The following CAMTA1 variants were observed in gnomAD, a reference collection of about 807,000 sequenced individuals.
CAMTA1 encodes calmodulin binding transcription activator 1, also known as calmodulin-binding transcription activator 1.
CAMTA1 carries 27 observed loss-of-function variants against 170.9 expected under a neutral mutation model. The ratio of observed to expected loss-of-function variants is 0.16; its 90% confidence interval spans 0.12 to 0.22. CAMTA1 has a LOEUF of 0.22. Ranked by LOEUF, CAMTA1 falls within the 10% of genes least tolerant of loss-of-function variation. The pLI is 1.00. For missense variants in CAMTA1, 1,619 were observed against 2,217.2 expected (o/e 0.73, Z 5.42); for synonymous variants, 833 against 891.5 (o/e 0.93, Z 1.17).
At chr1:7,669,890 G>T (rs1015107514) in intron 9 of CAMTA1, among the ~76,000 whole-genome samples, 1 of 152,202 alleles carries the variant, frequency 6.6e-6, no homozygotes, top group East Asian at 1.9e-4. Context: ...CGTCCACCTC[G>T]CACCTCCCTC....
In CAMTA1 at chr1:7,736,256, G is replaced by A. The variant is rs974564295; in HGVS notation, c.3067-88G>A. 7.4e-6 allele frequency: 8 copies of A among 1,084,776 alleles called. No homozygotes were observed. Among genetic ancestry groups the A allele is most frequent in the African/African-American group, 1.6e-5 (1 of 62,892 alleles). The allele number at this position is 1,084,776 out of a possible 1,614,324, so 67.2% of individuals were successfully genotyped here. A position where few individuals can be genotyped will look rare whatever the true frequency, so the allele number is the denominator to read the frequency against. On this transcript the variant is annotated intron_variant, in intron 12 of 22. Coordinates refer to ENST00000303635, the MANE Select transcript of CAMTA1 (RefSeq NM_015215.4). This position sits in a 1 kb window ranked among gnomAD's most constrained non-coding sequence, Gnocchi z 4.5. ...TGTTTTCCGTTGTGAGTTTCTAATC[G>A]TAAAGCATTTGTTTCCCCTACATCG...
At chr1:7,615,394 G>A (rs1034786805) in intron 6 of CAMTA1, among the ~76,000 whole-genome samples, 5 of 152,234 alleles carry the variant, frequency 3.3e-5, no homozygotes, top group African/African-American at 1.2e-4. Flanking sequence ...CAGGCAGCTC[G>A]GGCTTTGGAG....
intron 5 of CAMTA1, among the ~76,000 whole-genome samples, chr1:7,353,773 T>C (rs1390505522): frequency 1.3e-5 from 2 of 152,188 alleles, no homozygotes; most frequent in East Asian, 3.9e-4. Context: ...ACATTTATTT[T>C]AGGTTCAGGG....
intron 5 of CAMTA1, among the ~76,000 whole-genome samples, chr1:7,387,851 T>A (rs756980662): frequency 5.3e-5 from 8 of 152,232 alleles, no homozygotes; most frequent in Admixed American, 1.3e-4. Flanking sequence ...TGCAACACAA[T>A]TGATCTTTGC....
At chr1:6,843,715 G>A (rs1489919197) in intron 3 of CAMTA1, among the ~76,000 whole-genome samples, 2 of 152,146 alleles carry the variant, frequency 1.3e-5, no homozygotes, top group African/African-American at 2.4e-5. Flanking sequence ...CCTGATCTCA[G>A]GTGATCCACC....
chr1:7,469,434 G>A (rs2093286532), intron 6 of CAMTA1, among the ~76,000 whole-genome samples: 2 of 152,220 alleles, frequency 1.3e-5, no homozygotes, highest in African/African-American at 4.8e-5. Context: ...GCATGTCCTT[G>A]AGTCCCCAGG....
intron 5 of CAMTA1, among the ~76,000 whole-genome samples, chr1:7,383,584 T>G (rs2087589955): frequency 6.6e-6 from 1 of 152,112 alleles, no homozygotes; most frequent in African/African-American, 2.4e-5. Context: ...ATAAGGCACT[T>G]AGAACAACAT....
At chr1:7,601,317 C>T (rs1475987151) in intron 6 of CAMTA1, among the ~76,000 whole-genome samples, 1 of 151,884 alleles carries the variant, frequency 6.6e-6, no homozygotes, top group Non-Finnish European at 1.5e-5. Context: ...TGCGGCCGGG[C>T]AGAGACGCTC....
At position 7,064,534 on chromosome 1, in the gene CAMTA1, G is replaced by T. The variant is rs539560399; in HGVS notation, c.235-26770G>T. Among the ~76,000 whole-genome samples the T allele has an allele frequency of 6.6e-6, 1 of 152,296 alleles. No individual in the cohort carries two copies. The highest frequency in any genetic ancestry group is 2.1e-4 in the South Asian group (1 of 4,822). On this transcript the variant is annotated intron_variant, in intron 3 of 22. Transcript: ENST00000303635. This position sits in a 1 kb window ranked among gnomAD's most constrained non-coding sequence, Gnocchi z 5.4. ...GTGCTGGGAGGAGGGTGATGGTTGGGGAGGGAGGGGGTAGTCCCTGAGGAG... is the reference window on the plus strand; with the variant it reads ...GTGCTGGGAGGAGGGTGATGGTTGGTGAGGGAGGGGGTAGTCCCTGAGGAG...
chr1:7,760,098 C>A (rs963856902), intron 22 of CAMTA1, among the ~76,000 whole-genome samples: 1 of 152,216 alleles, frequency 6.6e-6, no homozygotes, highest in Non-Finnish European at 1.5e-5. Flanking sequence ...GGCCTAGTCA[C>A]CTGTGTTCAG....
intron 5 of CAMTA1, among the ~76,000 whole-genome samples, chr1:7,257,076 C>CT (rs1553291545): frequency 7.4e-6 from 1 of 135,134 alleles, no homozygotes; most frequent in Non-Finnish European, 1.6e-5. Context: ...CATCGCATGG[C>CT]GGGGGCGGGG....
intron 6 of CAMTA1, among the ~76,000 whole-genome samples, chr1:7,498,338 GTA>G (rs1191880085): frequency 3.3e-5 from 5 of 149,772 alleles, no homozygotes; most frequent in Non-Finnish European, 7.4e-5. Flanking sequence ...GTGTGGATGT[GTA>G]TGAGTGTGTG....
rs116034727 is a variant in CAMTA1 at position 7,334,237 on chromosome 1, A to G, written c.438+84611A>G. On this transcript the variant is annotated intron_variant, in intron 5 of 22. Transcript: ENST00000303635. ...GTCCTTTTGGAAAAGAAAGGGGGAA[A>G]AAAATCACTCTCCCTGCCAGGGCAG... 6.0e-3 allele frequency among the ~76,000 whole-genome samples: 915 copies of G among 152,322 alleles called. 6 individuals carry two copies. The highest frequency in any genetic ancestry group is 0.02 in the African/African-American group (820 of 41,572).
intron 5 of CAMTA1, among the ~76,000 whole-genome samples, chr1:7,349,296 G>C (rs2084464932): frequency 6.6e-6 from 1 of 152,084 alleles, no homozygotes; most frequent in South Asian, 2.1e-4. Context: ...GCATCCAATG[G>C]GGCACCGTCC....
intron 1 of CAMTA1, among the ~76,000 whole-genome samples, chr1:6,813,721 A>C (rs1645453231): frequency 6.6e-6 from 1 of 152,028 alleles, no homozygotes; most frequent in African/African-American, 2.4e-5. Context: ...TCCTGGGCTC[A>C]AACAGTCCTC....
intron 3 of CAMTA1, among the ~76,000 whole-genome samples, chr1:7,037,249 G>A (rs1458189904): frequency 6.6e-6 from 1 of 152,214 alleles, no homozygotes; most frequent in Non-Finnish European, 1.5e-5. Context: ...TGGGAGGATG[G>A]GTTGGGATTT....
chr1:6,979,928 T>C (rs1373667680), intron 3 of CAMTA1, among the ~76,000 whole-genome samples: 1 of 152,228 alleles, frequency 6.6e-6, no homozygotes, highest in Admixed American at 6.5e-5. Context: ...GTTTGAGGGC[T>C]CAGCCCACTA....
At chr1:6,972,454 G>A (rs1024778693) in intron 3 of CAMTA1, among the ~76,000 whole-genome samples, 1 of 152,194 alleles carries the variant, frequency 6.6e-6, no homozygotes, top group Non-Finnish European at 1.5e-5. Flanking sequence ...TGTTTAGTAA[G>A]CACTTCTGTG....
intron 5 of CAMTA1, among the ~76,000 whole-genome samples, chr1:7,340,508 G>T (rs953522152): frequency 6.6e-6 from 1 of 150,774 alleles, no homozygotes; most frequent in Non-Finnish European, 1.5e-5. Flanking sequence ...CCAAATGGTT[G>T]CTTTCTCCTA....
Sources: allele counts gnomAD v4.1 joint callset (sites outside exome capture counted in the v4.1 genomes callset), GRCh38; gene constraint gnomAD v4.1.1; non-coding constraint Gnocchi (gnomAD v3.1); transcripts MANE v1.5; gene names NCBI Gene and HGNC (gene_info 2026-07-23, HGNC 2026-07-21).